STPG2: variants seen among roughly 807,000 people sequenced by gnomAD.
The protein encoded by STPG2 is sperm-tail PG-rich repeat-containing protein 2.
A neutral mutation model predicts 54.2 loss-of-function variants in STPG2; 56 were observed. The ratio of observed to expected loss-of-function variants is 1.03; its 90% CI spans 0.83 to 1.29. The LOEUF (loss-of-function observed/expected upper bound fraction) is 1.29. Among genes scored for constraint, STPG2 ranks in the 50% most tolerant of loss-of-function variants. STPG2 has a pLI of 0.00. For synonymous variants in STPG2, 200 were observed against 181.8 expected (o/e 1.10, Z -0.81); for missense variants, 596 against 544.9 (o/e 1.09, Z -0.93).
At chr4:97,457,544 C>A (rs775967715) in intron 4 of STPG2, among the ~76,000 whole-genome samples, 3 of 152,218 alleles carry the variant, frequency 2.0e-5, no homozygotes, top group Non-Finnish European at 2.9e-5. Flanking sequence ...TTTCACCTCA[C>A]ACCCCCTAGG....
At chr4:98,049,133 A>G (rs1216743244) in intron 5 of STPG2, 1 of 152,198 alleles carries the variant, frequency 6.6e-6, no homozygotes, top group Non-Finnish European at 1.5e-5. Flanking sequence ...AAAAAACTTA[A>G]TTCCTTTTTC....
chr4:98,055,329 G>C (rs534755090), intron 5 of STPG2, among the ~76,000 whole-genome samples: 2 of 152,054 alleles, frequency 1.3e-5, no homozygotes, highest in Admixed American at 6.6e-5. Flanking sequence ...CTCCCATGGA[G>C]GGACTGAGAT....
intron 5 of STPG2, among the ~76,000 whole-genome samples, chr4:98,054,089 C>T (rs1482903258): frequency 6.6e-6 from 1 of 150,858 alleles, no homozygotes; most frequent in Non-Finnish European, 1.5e-5. Context: ...TTTTATGATA[C>T]AGGGGAAAAT....
At chr4:97,559,213 C>A in intron 10 of STPG2, 96 bp from the exon 11 acceptor site, 1 of 787,592 alleles carries the variant, frequency 1.3e-6, no homozygotes. Flanking sequence ...AATAACGATT[C>A]TTACAAAATT....
At chr4:97,598,378 A>G (rs187895964) in intron 10 of STPG2, among the ~76,000 whole-genome samples, 36 of 143,210 alleles carry the variant, frequency 2.5e-4, no homozygotes, top group Admixed American at 9.9e-4. Flanking sequence ...ATTAGAAAAA[A>G]AAACATTTTA....
chr4:97,928,202 A>G (rs1210878932), intron 8 of STPG2, among the ~76,000 whole-genome samples: 2 of 152,156 alleles, frequency 1.3e-5, no homozygotes, highest in Non-Finnish European at 2.9e-5. Context: ...CCTTGGCCAT[A>G]AAAATTAAAA....
chr4:97,538,177 G>A (rs560425005), intron 4 of STPG2, among the ~76,000 whole-genome samples: 12 of 152,186 alleles, frequency 7.9e-5, no homozygotes, highest in Non-Finnish European at 1.8e-4. Context: ...ACCAGCAATG[G>A]AACAAAGCTG....
At chr4:98,095,293 A>T (rs187753180) in intron 5 of STPG2, among the ~76,000 whole-genome samples, 1 of 152,310 alleles carries the variant, frequency 6.6e-6, no homozygotes, top group Non-Finnish European at 1.5e-5. Flanking sequence ...AAAACAAATA[A>T]CAAAATGGCA....
chr4:97,758,982 AT>A (rs1176114509), intron 9 of STPG2, among the ~76,000 whole-genome samples: 14 of 152,292 alleles, frequency 9.2e-5, no homozygotes, highest in Admixed American at 7.2e-4. Flanking sequence ...CAGAAAAAAA[AT>A]GAACGTATAA....
intron 4 of STPG2, among the ~76,000 whole-genome samples, chr4:97,538,836 C>CA (rs1347014893): frequency 6.6e-6 from 1 of 152,206 alleles, no homozygotes; most frequent in Non-Finnish European, 1.5e-5. Flanking sequence ...AGACTAACAG[C>CA]TGATCTCTCA....
chr4:97,975,236 C>A (rs529231099), intron 6 of STPG2, among the ~76,000 whole-genome samples: 2 of 151,978 alleles, frequency 1.3e-5, no homozygotes, highest in Non-Finnish European at 2.9e-5. Flanking sequence ...ATACATCTAC[C>A]AAAATTCATC....
intron 10 of STPG2, among the ~76,000 whole-genome samples, chr4:97,567,755 T>C (rs1282117502): frequency 1.3e-5 from 2 of 152,012 alleles, no homozygotes; most frequent in African/African-American, 4.8e-5. Flanking sequence ...GTATATTACA[T>C]ATAGATAAAA....
intron 9 of STPG2, among the ~76,000 whole-genome samples, chr4:97,808,687 A>G (rs1727645689): frequency 9.1e-6 from 1 of 109,964 alleles, no homozygotes; most frequent in Non-Finnish European, 1.9e-5. Flanking sequence ...AGATATAAAA[A>G]GACAAAAACC....
rs140974931 is a variant in STPG2, at chr4:98,062,910, T to A, written c.612+43043A>T. 7.6e-3 allele frequency among the ~76,000 whole-genome samples: 1,162 copies of A among 152,118 alleles called. 33 individuals are homozygous for A. The highest frequency in any genetic ancestry group is 0.058 in the Middle Eastern group (17 of 294). ...ATTATATAGTTATTATCTTCTTTTT[T>A]TAATTTTATAAAAATTTGTTGTAAA... is the stretch of plus-strand genomic sequence containing the variant. On this transcript the variant is annotated intron_variant, in intron 5 of 10. Coordinates refer to ENST00000295268, the MANE Select transcript of STPG2 (RefSeq NM_174952.3).
At chr4:97,457,007 C>T (rs1729545004) in intron 4 of STPG2, among the ~76,000 whole-genome samples, 1 of 150,336 alleles carries the variant, frequency 6.7e-6, no homozygotes, top group Admixed American at 6.6e-5. Flanking sequence ...AAAGATGTTC[C>T]ACATCATATG....
intron 3 of STPG2, among the ~76,000 whole-genome samples, chr4:98,118,656 T>C (rs971581652): frequency 2.0e-5 from 3 of 152,156 alleles, no homozygotes; most frequent in African/African-American, 7.2e-5. Context: ...AGATCTTACT[T>C]TGAAATACAT....
intron 8 of STPG2, among the ~76,000 whole-genome samples, chr4:97,938,338 C>T (rs1223316987): frequency 6.6e-6 from 1 of 152,224 alleles, no homozygotes; most frequent in Non-Finnish European, 1.5e-5. Context: ...ACAGTGATAG[C>T]TGTCATCCCT....
chr4:98,024,583 T>G (rs1390801588), intron 5 of STPG2, among the ~76,000 whole-genome samples: 1 of 152,234 alleles, frequency 6.6e-6, no homozygotes, highest in Non-Finnish European at 1.5e-5. Context: ...AAGCAAGGGT[T>G]AATTTATACT....
At chr4:97,560,910 T>C (rs1732216242) in intron 10 of STPG2, among the ~76,000 whole-genome samples, 1 of 152,196 alleles carries the variant, frequency 6.6e-6, no homozygotes, top group South Asian at 2.1e-4. Flanking sequence ...CCAATAAACG[T>C]ACATGTGCAT....
Sources: allele counts gnomAD v4.1 joint callset (sites outside exome capture counted in the v4.1 genomes callset), GRCh38; gene constraint gnomAD v4.1.1; transcripts MANE v1.5; gene names NCBI Gene and HGNC (gene_info 2026-07-23, HGNC 2026-07-21).